The following ITPR2 variants were observed in gnomAD, a reference collection of about 807,000 sequenced individuals.
ITPR2 encodes inositol 1,4,5-trisphosphate receptor type 2, also known as inositol 1,4,5-trisphosphate-gated calcium channel ITPR2.
In ITPR2, 207 loss-of-function variants were observed where a neutral mutation model predicts 317.1. That is an observed-to-expected ratio of 0.65 (90% CI 0.58 to 0.73). ITPR2 has a LOEUF of 0.73. ITPR2 is among the 30% of genes least tolerant of loss of function. The pLI is 0.00. For synonymous variants in ITPR2, 1,156 were observed against 1,149.1 expected (o/e 1.01, Z -0.12); for missense variants, 2,613 against 3,284.0 (o/e 0.80, Z 4.99).
chr12:26,571,445 A>T (rs776103773), intron 34 of ITPR2, among the ~76,000 whole-genome samples: 3 of 152,232 alleles, frequency 2.0e-5, no homozygotes, highest in Non-Finnish European at 2.9e-5. Context: ...AAACCCTTAT[A>T]ACTCAGTTCA....
At chr12:26,491,904 C>A (rs1188179161) in intron 39 of ITPR2, among the ~76,000 whole-genome samples, 2 of 152,110 alleles carry the variant, frequency 1.3e-5, no homozygotes, top group Non-Finnish European at 2.9e-5. Flanking sequence ...TGTGCACATC[C>A]CACTAAATAT....
In ITPR2 at chr12:26,528,242, C is replaced by T. The variant is rs115136765; in HGVS notation, c.5073+22005G>A. Among the ~76,000 whole-genome samples, 841 of 152,302 alleles carry T rather than the reference C, an allele frequency of 5.5e-3. 9 individuals are homozygous for T. Among genetic ancestry groups the T allele is most frequent in the African/African-American group, 0.019 (799 of 41,560 alleles). On this transcript the variant is annotated intron_variant, in intron 37 of 56. Coordinates refer to ENST00000381340, the MANE Select transcript of ITPR2 (RefSeq NM_002223.4). The stretch of plus-strand genomic sequence containing the variant: ...TTCCTATGACTTTCAATGGTTCCAG[C>T]TCCTGAGAGAGGGATGTTACTTCGG...
intron 45 of ITPR2, among the ~76,000 whole-genome samples, chr12:26,474,073 G>C (rs1314953864): frequency 1.3e-5 from 2 of 152,180 alleles, no homozygotes; most frequent in Non-Finnish European, 2.9e-5. Flanking sequence ...GGAAGGTTTT[G>C]GAAAAATTAT....
At chr12:26,427,388 A>G (rs978679444) in intron 49 of ITPR2, among the ~76,000 whole-genome samples, 1 of 152,112 alleles carries the variant, frequency 6.6e-6, no homozygotes, top group African/African-American at 2.4e-5. Context: ...TTATTCTAAT[A>G]TTTCAAAATT....
At chr12:26,775,665 C>G (rs1159471931) in intron 2 of ITPR2, among the ~76,000 whole-genome samples, 1 of 151,990 alleles carries the variant, frequency 6.6e-6, no homozygotes, top group Non-Finnish European at 1.5e-5. Context: ...AAAAGTAGAT[C>G]CACCCTTAAT....
intron 1 of ITPR2, among the ~76,000 whole-genome samples, chr12:26,829,075 C>T (rs1592165675): frequency 6.6e-6 from 1 of 152,214 alleles, no homozygotes. Flanking sequence ...ATTAAATGAG[C>T]CTTTTTCAAT....
At chr12:26,377,613 ATT>A (rs1939382843) in intron 55 of ITPR2, among the ~76,000 whole-genome samples, 1 of 152,188 alleles carries the variant, frequency 6.6e-6, no homozygotes, top group South Asian at 2.1e-4. Flanking sequence ...ATTTACATAT[ATT>A]TAGCCTTTGT....
At chr12:26,534,614 T>A (rs1274932611) in intron 37 of ITPR2, among the ~76,000 whole-genome samples, 2 of 152,212 alleles carry the variant, frequency 1.3e-5, no homozygotes, top group African/African-American at 2.4e-5. Context: ...CAAAGCTTTA[T>A]GAAAACCAGA....
chr12:26,819,579 A>G (rs1169929274), intron 1 of ITPR2, among the ~76,000 whole-genome samples: 1 of 152,170 alleles, frequency 6.6e-6, no homozygotes, highest in Admixed American at 6.5e-5. Context: ...TTTTCTGTCA[A>G]TAGCAGTTAA....
intron 46 of ITPR2, among the ~76,000 whole-genome samples, chr12:26,439,687 G>C (rs539426101): frequency 6.6e-6 from 1 of 152,078 alleles, no homozygotes; most frequent in African/African-American, 2.4e-5. Context: ...TAAACATAGC[G>C]CTTATGTTAT....
chr12:26,495,276 A>C lies in ITPR2; in HGVS notation c.5074-16T>G, dbSNP rs1364749782. The C allele has an allele frequency of 7.6e-7, 1 of 1,321,574 alleles. No individual in the cohort carries two copies. Among genetic ancestry groups the C allele is most frequent in the African/African-American group, 1.4e-5 (1 of 69,006 alleles). The allele number at this position is 1,321,574 out of a possible 1,614,324, so 81.9% of individuals were successfully genotyped here. A position where few individuals can be genotyped will look rare whatever the true frequency, so the allele number is the denominator to read the frequency against. Reference sequence around the variant, plus strand: ...ATGTGTTACCCTAATAAGAAGGATAACAAAGAGTTACTGTTCCCTTTTCTA... The same window carrying C: ...ATGTGTTACCCTAATAAGAAGGATACCAAAGAGTTACTGTTCCCTTTTCTA... On this transcript the variant is annotated splice_polypyrimidine_tract_variant and intron_variant, in intron 37 of 56. Coordinates refer to ENST00000381340, the MANE Select transcript of ITPR2 (RefSeq NM_002223.4).
intron 52 of ITPR2, among the ~76,000 whole-genome samples, chr12:26,406,014 A>G (rs1940337359): frequency 6.6e-6 from 1 of 152,166 alleles, no homozygotes; most frequent in South Asian, 2.1e-4. Flanking sequence ...AGCTTTAATT[A>G]TAATCAATTC....
intron 9 of ITPR2, among the ~76,000 whole-genome samples, chr12:26,700,618 T>C (rs916260729): frequency 7.2e-5 from 11 of 152,060 alleles, no homozygotes; most frequent in Admixed American, 4.6e-4. Flanking sequence ...CCTGCCTCCA[T>C]AAAGCAGAGT....
chr12:26,772,515 ATACATTATTATATAT>A, intron 2 of ITPR2, among the ~76,000 whole-genome samples: 1 of 87,346 alleles, frequency 1.1e-5, no homozygotes, highest in Non-Finnish European at 2.9e-5. Context: ...ATTATATATA[ATACATTATTATATAT>A]AATACATGTA....
At chr12:26,671,305 T>C (rs1322516390) in intron 13 of ITPR2, among the ~76,000 whole-genome samples, 7 of 152,150 alleles carry the variant, frequency 4.6e-5, no homozygotes, top group African/African-American at 1.7e-4. Flanking sequence ...GAGAGAAAGG[T>C]TGGGTTACCC....
At chr12:26,567,935 T>A in intron 34 of ITPR2, among the ~76,000 whole-genome samples, 1 of 84,696 alleles carries the variant, frequency 1.2e-5, no homozygotes, top group Non-Finnish European at 2.4e-5. Flanking sequence ...AGAAAAATTC[T>A]GGTATATATA....
intron 34 of ITPR2, among the ~76,000 whole-genome samples, chr12:26,576,531 G>C (rs1945281956): frequency 6.6e-6 from 1 of 152,184 alleles, no homozygotes; most frequent in Non-Finnish European, 1.5e-5. Flanking sequence ...TGTCCGTGCT[G>C]GGTAAGATGT....
At chr12:26,502,057 G>A (rs535983590) in intron 37 of ITPR2, among the ~76,000 whole-genome samples, 14 of 152,308 alleles carry the variant, frequency 9.2e-5, no homozygotes, top group Non-Finnish European at 1.8e-4. Flanking sequence ...TGCTGAGAAG[G>A]TTTTGTTAGG....
chr12:26,758,506 C>T (rs774881847), intron 2 of ITPR2, among the ~76,000 whole-genome samples: 5 of 152,146 alleles, frequency 3.3e-5, no homozygotes, highest in Non-Finnish European at 7.3e-5. Context: ...GTCTTTCTAG[C>T]CATAATGGTC....
Sources: gnomAD v4.1 joint callset for allele counts (sites outside exome capture counted in the v4.1 genomes callset) on GRCh38, gnomAD v4.1.1 for gene constraint, MANE v1.5 for transcripts, NCBI Gene and HGNC (gene_info 2026-07-23, HGNC 2026-07-21) for gene names.